UNC13C: variants seen among roughly 807,000 people sequenced by gnomAD.
UNC13C encodes the protein protein unc-13 homolog C.
Under a neutral mutation model 245.4 loss-of-function variants are expected in UNC13C, and 174 were observed. The observed-to-expected ratio is 0.71, with a 90% CI of 0.63 to 0.80. The LOEUF (loss-of-function observed/expected upper bound fraction) is 0.80, where lower values mean the gene tolerates loss of function less well. Ranked by LOEUF, UNC13C falls within the 30% of genes least tolerant of loss-of-function variation. The pLI, the probability that UNC13C is intolerant of heterozygous loss-of-function variation, is 0.00. For missense variants in UNC13C, 2,829 were observed against 2,602.9 expected (o/e 1.09, Z -1.89); for synonymous variants, 992 against 895.1 (o/e 1.11, Z -1.93).
chr15:54,443,161 A>G (rs951691138), intron 19 of UNC13C, among the ~76,000 whole-genome samples: 12 of 152,080 alleles, frequency 7.9e-5, no homozygotes, highest in Admixed American at 1.3e-4. Flanking sequence ...GTGCCCAGGA[A>G]TTTATCCATT....
intron 4 of UNC13C, among the ~76,000 whole-genome samples, chr15:54,151,940 C>T (rs1367401229): frequency 2.0e-5 from 3 of 152,148 alleles, no homozygotes; most frequent in African/African-American, 7.2e-5. Flanking sequence ...TTTACCTTTC[C>T]CTGATTTCTG....
chr15:54,448,423 G>T (rs1243717500), intron 19 of UNC13C, among the ~76,000 whole-genome samples: 1 of 152,140 alleles, frequency 6.6e-6, no homozygotes, highest in Admixed American at 6.5e-5. Context: ...CTCTTTGTAG[G>T]TCCCTAAGGA....
rs530597088 is a variant in UNC13C at position 54,388,373 on chromosome 15, G to A, written c.4714-4675G>A. ...TGGAGAAAACTCATAATAGTCCAGCGTAGTGTCACTACAAGTTCAGAGATC... is the reference window on the plus strand; with the variant it reads ...TGGAGAAAACTCATAATAGTCCAGCATAGTGTCACTACAAGTTCAGAGATC... On this transcript the variant is annotated intron_variant, in intron 17 of 32. Transcript: ENST00000260323. Among the ~76,000 whole-genome samples the A allele has an allele frequency of 1.2e-4, 18 of 152,178 alleles. No individual in the cohort carries two copies. The South Asian group carries it at 2.7e-3, about 23-fold the overall frequency.
intron 2 of UNC13C, among the ~76,000 whole-genome samples, chr15:54,059,264 AG>A (rs765037311): frequency 6.6e-6 from 1 of 152,206 alleles, no homozygotes. Context: ...GCTTCAGCAA[AG>A]CCTCAGGATA....
At chr15:54,243,891 A>C (rs2035924184) in intron 7 of UNC13C, among the ~76,000 whole-genome samples, 1 of 152,072 alleles carries the variant, frequency 6.6e-6, no homozygotes, top group Admixed American at 6.6e-5. Flanking sequence ...TTTGTCAGAC[A>C]GATAGATTGC....
At chr15:54,359,205 T>A (rs556026156) in intron 17 of UNC13C, among the ~76,000 whole-genome samples, 39 of 152,140 alleles carry the variant, frequency 2.6e-4, no homozygotes, top group Non-Finnish European at 3.5e-4. Flanking sequence ...ATCTTTTTAA[T>A]GTGTTGTTTA....
intron 4 of UNC13C, among the ~76,000 whole-genome samples, chr15:54,223,336 T>A (rs542987839): frequency 6.6e-6 from 1 of 152,280 alleles, no homozygotes; most frequent in South Asian, 2.1e-4. Flanking sequence ...CTAGCACCAT[T>A]TATTGAAGAG....
chr15:54,401,996 C>T (rs2040196818), intron 18 of UNC13C, among the ~76,000 whole-genome samples: 1 of 151,560 alleles, frequency 6.6e-6, no homozygotes, highest in African/African-American at 2.4e-5. Context: ...CATAACTAAC[C>T]CAATATAATA....
the UNC13C span, among the ~76,000 whole-genome samples, chr15:53,971,664 G>C: frequency 6.6e-6 from 1 of 152,078 alleles, no homozygotes; most frequent in African/African-American, 2.4e-5. Flanking sequence ...GTTTTAAAAA[G>C]TATACTTTCT....
chr15:54,582,655 G>A (rs751852762), intron 30 of UNC13C, among the ~76,000 whole-genome samples: 5 of 152,122 alleles, frequency 3.3e-5, no homozygotes, highest in Non-Finnish European at 7.4e-5. Context: ...CTCAGTCTGA[G>A]CTCTGCAGAA....
intron 4 of UNC13C, among the ~76,000 whole-genome samples, chr15:54,185,149 A>C (rs1595967342): frequency 1.3e-5 from 2 of 151,722 alleles, no homozygotes; most frequent in Admixed American, 1.3e-4. Context: ...GTTTGAGTTC[A>C]TTGTAGATTC....
At chr15:54,261,296 G>T (rs1166037968) in intron 8 of UNC13C, among the ~76,000 whole-genome samples, 1 of 152,068 alleles carries the variant, frequency 6.6e-6, no homozygotes, top group Non-Finnish European at 1.5e-5. Context: ...TAAGCCTGAA[G>T]AAAAATAACC....
rs2030857088 is a variant in UNC13C at position 54,123,979 on chromosome 15, A to G, written c.2984-19039A>G. Among the ~76,000 whole-genome samples, 9 of 152,218 alleles carry G rather than the reference A, an allele frequency of 5.9e-5. No homozygotes were observed. The South Asian group carries it at 1.9e-3, about 32-fold the overall frequency. On this transcript the variant is annotated intron_variant, in intron 2 of 32. Transcript: ENST00000260323. ...TGACCTTTGGAGACTGGCTTTTTTC[A>G]CTTAGCATAATGCCCTGAGATCTAT...
chr15:54,329,284 A>G (rs1208954768), intron 14 of UNC13C, among the ~76,000 whole-genome samples: 1 of 151,976 alleles, frequency 6.6e-6, no homozygotes, highest in Non-Finnish European at 1.5e-5. Flanking sequence ...CATGTTGGGA[A>G]CATTCCAATT....
At chr15:53,938,581 T>A in the UNC13C span, among the ~76,000 whole-genome samples, 1 of 152,168 alleles carries the variant, frequency 6.6e-6, no homozygotes, top group Non-Finnish European at 1.5e-5. Flanking sequence ...AAATGATACT[T>A]ACTCCAAAAT....
At position 54,627,256 on chromosome 15, in the gene UNC13C, C is replaced by T. The variant is rs1387874917; in HGVS notation, c.*143C>T. The T allele has an allele frequency of 1.2e-5, 10 of 857,442 alleles. No homozygotes were observed. In the East Asian group the frequency reaches 2.5e-4, roughly 21 times the overall value. 53.1% of individuals were successfully genotyped at this position (857,442 alleles called of 1,614,324 possible). A position where few individuals can be genotyped will look rare whatever the true frequency, so the allele number is the denominator to read the frequency against. On this transcript the variant is annotated 3_prime_UTR_variant, in exon 33 of 33. Coordinates refer to ENST00000260323, the MANE Select transcript of UNC13C (RefSeq NM_001080534.3). ...GTCTACAAGGTATGTAAAAAACCTG[C>T]TGAACTTTTATACCAATTCTGGTCT...
At chr15:53,934,188 C>G in the UNC13C span, among the ~76,000 whole-genome samples, 1 of 152,214 alleles carries the variant, frequency 6.6e-6, no homozygotes, top group Non-Finnish European at 1.5e-5. Context: ...GTGGATGGTG[C>G]TAAACCATTG....
chr15:53,952,496 T>G, the UNC13C span, among the ~76,000 whole-genome samples: 1 of 152,212 alleles, frequency 6.6e-6, no homozygotes, highest in Admixed American at 6.5e-5. Context: ...ATCAAACATT[T>G]GAGTACCAAC....
At chr15:54,362,880 T>G (rs2039268044) in intron 17 of UNC13C, among the ~76,000 whole-genome samples, 1 of 152,220 alleles carries the variant, frequency 6.6e-6, no homozygotes, top group East Asian at 1.9e-4. Flanking sequence ...GAAAGGCTTC[T>G]AGGATGAGAA....
Sources: allele counts gnomAD v4.1 joint callset (sites outside exome capture counted in the v4.1 genomes callset), GRCh38; gene constraint gnomAD v4.1.1; transcripts MANE v1.5; gene names NCBI Gene and HGNC (gene_info 2026-07-23, HGNC 2026-07-21).